ADGRG5: variants seen among roughly 807,000 people sequenced by gnomAD.
ADGRG5 encodes the protein adhesion G protein-coupled receptor G5.
ADGRG5 carries 37 observed loss-of-function variants against 53.2 expected under a neutral mutation model. The ratio of observed to expected loss-of-function variants is 0.70; its 90% CI spans 0.53 to 0.91. The LOEUF (loss-of-function observed/expected upper bound fraction) is 0.91. ADGRG5 is among the 40% of genes least tolerant of loss of function. ADGRG5 has a pLI of 0.00. For missense variants in ADGRG5, 614 were observed against 675.8 expected (o/e 0.91, Z 1.01); for synonymous variants, 277 against 290.4 (o/e 0.95, Z 0.47).
At chr16:57,573,532 A>G (rs545603599) in intron 10 of ADGRG5, among the ~76,000 whole-genome samples, 1 of 152,198 alleles carries the variant, frequency 6.6e-6, no homozygotes, top group East Asian at 1.9e-4. Context: ...AGTGGGCCAG[A>G]GCATAGGGCC....
intron 1 of ADGRG5, among the ~76,000 whole-genome samples, chr16:57,557,165 C>T (rs953654961): frequency 3.9e-5 from 6 of 152,178 alleles, no homozygotes; most frequent in Non-Finnish European, 8.8e-5. Context: ...CCACCTCAGC[C>T]TCCCAAAGTG....
At chr16:57,535,721 G>A in the ADGRG5 span, among the ~76,000 whole-genome samples, 7 of 147,844 alleles carry the variant, frequency 4.7e-5, no homozygotes, top group Non-Finnish European at 7.4e-5. Flanking sequence ...TCACTGATAT[G>A]CTGTGTGATA....
At chr16:57,547,874 T>C (rs1235573979) in intron 1 of ADGRG5, among the ~76,000 whole-genome samples, 1 of 152,198 alleles carries the variant, frequency 6.6e-6, no homozygotes, top group African/African-American at 2.4e-5. Context: ...CTCAGCCTCC[T>C]GAGTAGCTAG....
chr16:57,541,790 A>C (rs982918508), upstream of ADGRG5, among the ~76,000 whole-genome samples: 7 of 152,134 alleles, frequency 4.6e-5, no homozygotes, highest in South Asian at 2.1e-4. Context: ...TCTATCCCCC[A>C]CACACACCTC....
At chr16:57,536,940 C>G in the ADGRG5 span, among the ~76,000 whole-genome samples, 1 of 152,178 alleles carries the variant, frequency 6.6e-6, no homozygotes, top group Non-Finnish European at 1.5e-5. Context: ...GCGAGCTTAC[C>G]AAGTCTTCAC....
chr16:57,534,645 G>C, the ADGRG5 span, among the ~76,000 whole-genome samples: 50 of 152,210 alleles, frequency 3.3e-4, no homozygotes, highest in Non-Finnish European at 5.3e-4. Flanking sequence ...CCAGCATACA[G>C]CAGATGCGTG....
rs148480606 is a variant in ADGRG5 at position 57,565,490 on chromosome 16, C to T, written c.546+340C>T. ...CCCTTGTGGCTCAGTCTCTCTCCGT[C>T]TCAGCAATGGTCTCCTGTCTTGGCT... is the stretch of plus-strand genomic sequence containing the variant. On this transcript the variant is annotated intron_variant, in intron 6 of 11. Transcript: ENST00000349457. 8.4e-4 allele frequency: 334 copies of T among 399,300 alleles called. 1 individual carries two copies. Among genetic ancestry groups the T allele is most frequent in the African/African-American group, 6.2e-3 (304 of 48,830 alleles). The allele number at this position is 399,300 out of a possible 1,614,324, so 24.7% of individuals were successfully genotyped here. A position where few individuals can be genotyped will look rare whatever the true frequency, so the allele number is the denominator to read the frequency against.
chr16:57,552,344 T>C (rs2032775181), intron 1 of ADGRG5, among the ~76,000 whole-genome samples: 1 of 152,054 alleles, frequency 6.6e-6, no homozygotes, highest in South Asian at 2.1e-4. Context: ...TGAGGCTCTT[T>C]CATCTACACT....
intron 10 of ADGRG5, among the ~76,000 whole-genome samples, chr16:57,573,450 A>G (rs1319078145): frequency 2.0e-5 from 3 of 146,794 alleles, no homozygotes; most frequent in African/African-American, 5.0e-5. Context: ...AAAAAAAAGG[A>G]AAGAGTGAGG....
chr16:57,567,674 G>T, intron 8 of ADGRG5, 83 bp downstream of exon 8: 3 of 1,532,090 alleles, frequency 2.0e-6, no homozygotes, highest in Non-Finnish European at 2.7e-6. Flanking sequence ...CACTAGAACT[G>T]GGTGTGCTTC....
chr16:57,556,039 G>A (rs534952761), intron 1 of ADGRG5, among the ~76,000 whole-genome samples: 1 of 152,122 alleles, frequency 6.6e-6, no homozygotes, highest in African/African-American at 2.4e-5. Flanking sequence ...AGTTTCCTAA[G>A]GTCTCCCCAG....
chr16:57,550,546 C>T (rs1001872237), intron 1 of ADGRG5, among the ~76,000 whole-genome samples: 1 of 152,074 alleles, frequency 6.6e-6, no homozygotes. Context: ...CCATGGATCA[C>T]GTTTTTGGTG....
At chr16:57,550,225 G>T (rs1371359431) in intron 1 of ADGRG5, among the ~76,000 whole-genome samples, 1 of 152,300 alleles carries the variant, frequency 6.6e-6, no homozygotes, top group East Asian at 1.9e-4. Context: ...TGACCCACCC[G>T]CCTCGGCCTC....
upstream of ADGRG5, among the ~76,000 whole-genome samples, chr16:57,541,129 G>A (rs1452476487): frequency 6.6e-6 from 1 of 152,138 alleles, no homozygotes; most frequent in Non-Finnish European, 1.5e-5. Flanking sequence ...TCTTGGTAGT[G>A]AGCTTCAGGA....
At position 57,568,653 on chromosome 16, in the gene ADGRG5, C is replaced by T. The variant is rs148213952; in HGVS notation, c.1090+529C>T. ...CCTCTTCCACCTCCTTCACCACCAC[C>T]ATCATCTCCTTCACCTCCACCACCA... On this transcript the variant is annotated intron_variant, in intron 9 of 11. Coordinates refer to ENST00000349457, the MANE Select transcript of ADGRG5 (RefSeq NM_001304376.3). 1.7e-3 allele frequency among the ~76,000 whole-genome samples: 258 copies of T among 151,404 alleles called. 1 individual carries two copies. Among genetic ancestry groups the T allele is most frequent in the African/African-American group, 5.9e-3 (245 of 41,218 alleles).
At chr16:57,547,722 C>T (rs2032652879) in intron 1 of ADGRG5, among the ~76,000 whole-genome samples, 2 of 152,180 alleles carry the variant, frequency 1.3e-5, no homozygotes, top group Admixed American at 6.5e-5. Context: ...GCTGGGATTA[C>T]AGGCGTGAGC....
chr16:57,566,702 C>T lies in ADGRG5; in HGVS notation c.650C>T (p.Ser217Phe), dbSNP rs1351231073. 1 of 1,584,930 alleles carries T rather than the reference C, an allele frequency of 6.3e-7. No individual in the cohort carries two copies. The highest frequency in any genetic ancestry group is 2.3e-5 in the East Asian group (1 of 43,044). Residue 217 changes from serine to phenylalanine, a missense_variant, in exon 7 of 12, where the codon TCT becomes TTT. By Grantham distance (155) the Ser-to-Phe change is radical. Transcript: ENST00000349457. ...EGCRTEQPSH[S>F]QVLCRCNHLT... ...TGTCGTACAGAGCAGCCCTCCCACTCTCAGGTGCTCTGCCGCTGCAACCAC... is the reference window on the plus strand; with the variant it reads ...TGTCGTACAGAGCAGCCCTCCCACTTTCAGGTGCTCTGCCGCTGCAACCAC...
rs1271564958 is a variant in ADGRG5 at position 57,575,818 on chromosome 16, C to T, written c.*280C>T. 2.4e-6 allele frequency: 1 copy of T among 418,526 alleles called. No homozygotes were observed. The highest frequency in any genetic ancestry group is 3.5e-5 in the Admixed American group (1 of 28,796). The allele number at this position is 418,526 out of a possible 1,614,324, so 25.9% of individuals were successfully genotyped here. ...CTCGCCAGGGATGTGGGCAGAGCAC[C>T]AGCCTGGGCATCAGGAAGCCAAGTT... On this transcript the variant is annotated 3_prime_UTR_variant, in exon 12 of 12. Transcript: ENST00000349457.
chr16:57,572,197 C>T (rs1381670436), intron 10 of ADGRG5, among the ~76,000 whole-genome samples: 9 of 151,740 alleles, frequency 5.9e-5, no homozygotes, highest in African/African-American at 2.2e-4. Flanking sequence ...AAAAACAGGC[C>T]AGGCGTGGTG....
Sources: allele counts gnomAD v4.1 joint callset (sites outside exome capture counted in the v4.1 genomes callset), GRCh38; gene constraint gnomAD v4.1.1; transcripts MANE v1.5; gene names NCBI Gene and HGNC (gene_info 2026-07-23, HGNC 2026-07-21).